PIGN: variants seen among roughly 807,000 people sequenced by gnomAD.
PIGN encodes phosphatidylinositol glycan anchor biosynthesis class N, also known as GPI ethanolamine phosphate transferase 1.
In PIGN, 117 loss-of-function variants were observed where a neutral mutation model predicts 125.4. The ratio of observed to expected loss-of-function variants is 0.93; its 90% CI spans 0.80 to 1.09. PIGN has a LOEUF of 1.09. PIGN is among the 50% of genes least tolerant of loss of function. The pLI is 0.00. For missense variants in PIGN, 1,075 were observed against 1,094.9 expected (o/e 0.98, Z 0.26); for synonymous variants, 392 against 377.8 (o/e 1.04, Z -0.44).
intron 14 of PIGN, among the ~76,000 whole-genome samples, chr18:62,122,826 C>T (rs1897310): frequency 0.98 from 149,714 of 152,260 alleles, 73,659 homozygotes; most frequent in East Asian, 1. Context: ...CCTATCTTTC[C>T]TCTTTTTCCA....
At chr18:62,157,567 A>G (rs1050790644) in intron 5 of PIGN, 120 bp downstream of exon 5, 2 of 962,586 alleles carry the variant, frequency 2.1e-6, no homozygotes, top group Non-Finnish European at 1.6e-6. Flanking sequence ...AAAGCATGCT[A>G]AAACATTTGT....
chr18:62,148,799 T>G (rs955955837), intron 7 of PIGN, among the ~76,000 whole-genome samples: 2 of 152,182 alleles, frequency 1.3e-5, no homozygotes, highest in Non-Finnish European at 2.9e-5. Flanking sequence ...TGTAGAACAT[T>G]GCAAATAGCC....
At position 62,102,857 on chromosome 18, in the gene PIGN, T is replaced by C. The variant is rs777341001; in HGVS notation, c.1905A>G (p.Val635=). The change falls in exon 21 of 31, where the codon GTA becomes GTG. Residue 635 remains valine, a synonymous_variant. Transcript: ENST00000640252. The part of the protein sequence containing the change: ...LLVLLLSLCV[V]TSLMKRKDSF... ...TATCTTTTCTTTTCATGAGAGATGT[T>C]ACAACACACAGGGATAACAGAAGAA... 6.3e-7 allele frequency: 1 copy of C among 1,588,384 alleles called. No individual in the cohort carries two copies. The highest frequency in any genetic ancestry group is 8.6e-7 in the Non-Finnish European group (1 of 1,166,176).
At position 62,088,896 on chromosome 18, in the gene PIGN, T is replaced by C. The variant is rs1275133986; in HGVS notation, c.2284-54A>G. 15 of 1,037,990 alleles carry C rather than the reference T, an allele frequency of 1.4e-5. No homozygotes were observed. The East Asian group carries it at 1.6e-4, about 11-fold the overall frequency. 64.3% of individuals were successfully genotyped at this position (1,037,990 alleles called of 1,614,324 possible). On this transcript the variant is annotated intron_variant, in intron 24 of 30. Coordinates refer to ENST00000640252, the MANE Select transcript of PIGN (RefSeq NM_176787.5). ...CACAATAACAGTTGGCTTATTTCTA[T>C]ATTTGAAGGCAAACTTACAATGGCT...
At chr18:62,180,001 TATCCTGCTG>T (rs2037660982) in intron 1 of PIGN, among the ~76,000 whole-genome samples, 1 of 152,180 alleles carries the variant, frequency 6.6e-6, no homozygotes, top group South Asian at 2.1e-4. Context: ...AATTGAACAC[TATCCTGCTG>T]ATCAACATCA....
chr18:62,062,545 T>C (rs1470805553), intron 30 of PIGN, among the ~76,000 whole-genome samples: 1 of 151,866 alleles, frequency 6.6e-6, no homozygotes, highest in Non-Finnish European at 1.5e-5. Flanking sequence ...GTTGTATAGA[T>C]GGGGGTGTAA....
chr18:62,163,707 C>T (rs1029147805), intron 1 of PIGN, 51 bp from the exon 2 acceptor site: 1 of 152,068 alleles, frequency 6.6e-6, no homozygotes, highest in Non-Finnish European at 1.5e-5. Context: ...ATAACATTTA[C>T]CATTTTAGAC....
intron 4 of PIGN, among the ~76,000 whole-genome samples, chr18:62,160,291 T>C (rs959025444): frequency 6.6e-6 from 1 of 152,198 alleles, no homozygotes; most frequent in Non-Finnish European, 1.5e-5. Context: ...AGAGCAATTG[T>C]TTGTAGGCCC....
chr18:62,075,107 A>G, intron 28 of PIGN: 1 of 275,406 alleles, frequency 3.6e-6, no homozygotes, highest in South Asian at 4.7e-5. Flanking sequence ...TTGTTAACTA[A>G]TATGCAATTT....
intron 1 of PIGN, among the ~76,000 whole-genome samples, chr18:62,178,989 T>TTG (rs2037623181): frequency 6.6e-6 from 1 of 152,196 alleles, no homozygotes; most frequent in Non-Finnish European, 1.5e-5. Context: ...CTGTGATAAT[T>TTG]TCTCAGACTT....
intron 14 of PIGN, among the ~76,000 whole-genome samples, chr18:62,115,293 A>C (rs2035046611): frequency 6.6e-6 from 1 of 152,236 alleles, no homozygotes; most frequent in Non-Finnish European, 1.5e-5. Context: ...AAACTACATA[A>C]AACTAAAGTC....
chr18:62,149,791 G>A (rs1719176575), intron 7 of PIGN, among the ~76,000 whole-genome samples: 1 of 152,144 alleles, frequency 6.6e-6, no homozygotes, highest in African/African-American at 2.4e-5. Flanking sequence ...GAAAACTTTA[G>A]GAGACTAAGT....
chr18:62,099,470 A>C (rs2034349411), intron 22 of PIGN, among the ~76,000 whole-genome samples: 2 of 151,656 alleles, frequency 1.3e-5, no homozygotes, highest in African/African-American at 4.8e-5. Flanking sequence ...TGGGCCCACA[A>C]AAGACTCTGA....
At position 62,141,022 on chromosome 18, in the gene PIGN, C is replaced by T. The variant is rs144796901; in HGVS notation, c.964-543G>A. Among the ~76,000 whole-genome samples the T allele has an allele frequency of 5.1e-4, 77 of 152,248 alleles. No homozygotes were observed. The East Asian group carries it at 0.014, about 29-fold the overall frequency. On this transcript the variant is annotated intron_variant, in intron 11 of 30. Coordinates refer to ENST00000640252, the MANE Select transcript of PIGN (RefSeq NM_176787.5). ...GAGTTGTTCATGCTTTTTCTATCTT[C>T]GCTTCCTCACCTTCCCATCACTCTT...
chr18:62,037,563 A>G (rs1038478675), downstream of PIGN, among the ~76,000 whole-genome samples: 2 of 152,226 alleles, frequency 1.3e-5, no homozygotes, highest in Non-Finnish European at 2.9e-5. Context: ...GAATGCTGCC[A>G]TGGCTGTGAG....
chr18:62,145,014 G>T (rs954624424), intron 10 of PIGN, among the ~76,000 whole-genome samples: 1 of 17,122 alleles, frequency 5.8e-5, no homozygotes. Context: ...CTGGCGGGGG[G>T]GGGGGGGCAG....
intron 1 of PIGN, among the ~76,000 whole-genome samples, chr18:62,171,303 T>A (rs561068026): frequency 6.6e-6 from 1 of 152,348 alleles, no homozygotes; most frequent in Non-Finnish European, 1.5e-5. Context: ...AATTCTTAAA[T>A]CAACATTGAT....
intron 10 of PIGN, among the ~76,000 whole-genome samples, chr18:62,145,306 A>G (rs1567037): frequency 1 from 152,130 of 152,292 alleles, 75,985 homozygotes; most frequent in Middle Eastern, 1. Context: ...CTGTGGACCT[A>G]TGATGTGGCA....
At chr18:62,130,908 A>T (rs902300386) in intron 14 of PIGN, among the ~76,000 whole-genome samples, 16 of 152,192 alleles carry the variant, frequency 1.1e-4, no homozygotes, top group African/African-American at 3.6e-4. Flanking sequence ...TCATTCCTTT[A>T]GCATGACCAA....
Sources: allele counts gnomAD v4.1 joint callset (sites outside exome capture counted in the v4.1 genomes callset), GRCh38; gene constraint gnomAD v4.1.1; transcripts MANE v1.5; gene names NCBI Gene and HGNC (gene_info 2026-07-23, HGNC 2026-07-21).